Variants in NR1H4 observed in about 807,000 individuals in gnomAD.
NR1H4 encodes the protein nuclear receptor subfamily 1 group H member 4, also known as bile acid receptor.
A neutral mutation model predicts 58.5 loss-of-function variants in NR1H4; 23 were observed. The observed-to-expected ratio is 0.39, with a 90% CI of 0.28 to 0.56. NR1H4 has a LOEUF of 0.56. Ranked by LOEUF, NR1H4 falls within the 20% of genes least tolerant of loss-of-function variation. NR1H4 has a pLI of 0.58. For synonymous variants in NR1H4, 214 were observed against 198.0 expected (o/e 1.08, Z -0.68); for missense variants, 487 against 576.9 (o/e 0.84, Z 1.60).
At chr12:100,514,470 G>A (rs1366562126) in intron 4 of NR1H4, among the ~76,000 whole-genome samples, 1 of 152,146 alleles carries the variant, frequency 6.6e-6, no homozygotes, top group African/African-American at 2.4e-5. Flanking sequence ...ATTTTAGGCT[G>A]AAAAACTCTG....
chr12:100,479,985 C>T (rs973043088), intron 1 of NR1H4, among the ~76,000 whole-genome samples: 1 of 152,250 alleles, frequency 6.6e-6, no homozygotes, highest in Non-Finnish European at 1.5e-5. Context: ...ACACTCTATA[C>T]TTCTCTTTTA....
Position 100,563,280 on chromosome 12 carries a change from G to A in NR1H4, c.1222G>A (p.Val408Ile), listed in dbSNP as rs1955514845. ...ACAATACATAAAGGATAGAGAGGCAGTAGAGAAGCTTCAGGAGCCACTTCT... is the reference window on the plus strand; with the variant it reads ...ACAATACATAAAGGATAGAGAGGCAATAGAGAAGCTTCAGGAGCCACTTCT... ...DRQYIKDREAVEKLQEPLLDV... is the reference protein window; with the variant it reads ...DRQYIKDREAIEKLQEPLLDV... Residue 408 changes from valine (V) to isoleucine (I), a missense_variant, in exon 11 of 11, where the codon GTA becomes ATA. Physicochemically the swap from Val to Ile is conservative, Grantham distance 29. Coordinates refer to ENST00000392986, the MANE Select transcript of NR1H4 (RefSeq NM_001206979.2). 2 of 1,613,712 alleles carry A rather than the reference G, an allele frequency of 1.2e-6. No homozygotes were observed. Among genetic ancestry groups the A allele is most frequent in the Admixed American group, 1.7e-5 (1 of 60,002 alleles).
chr12:100,552,033 A>G (rs1344128388), intron 9 of NR1H4, among the ~76,000 whole-genome samples: 1 of 152,238 alleles, frequency 6.6e-6, no homozygotes, highest in Non-Finnish European at 1.5e-5. Flanking sequence ...TGGTTGGTTG[A>G]ATCCATGGAT....
At chr12:100,537,108 A>G in intron 8 of NR1H4, 61 bp downstream of exon 8, 1 of 998,864 alleles carries the variant, frequency 1.0e-6, no homozygotes, top group Admixed American at 2.0e-5. Flanking sequence ...CCCACAGATT[A>G]GATTACCTAT....
intron 1 of NR1H4, among the ~76,000 whole-genome samples, chr12:100,485,249 A>G (rs1953466519): frequency 6.6e-6 from 1 of 152,146 alleles, no homozygotes; most frequent in South Asian, 2.1e-4. Context: ...GACCATATGG[A>G]CTGTATTGCA....
intron 1 of NR1H4, among the ~76,000 whole-genome samples, chr12:100,481,176 C>T (rs1953371869): frequency 6.6e-6 from 1 of 151,736 alleles, no homozygotes; most frequent in African/African-American, 2.4e-5. Context: ...ATTGTAAGAG[C>T]GTGTGGAAAG....
At chr12:100,485,895 G>A (rs1246398110) in intron 1 of NR1H4, among the ~76,000 whole-genome samples, 1 of 152,080 alleles carries the variant, frequency 6.6e-6, no homozygotes, top group South Asian at 2.1e-4. Context: ...TTGCTGTATA[G>A]TATTCACCTG....
At chr12:100,495,806 T>C (rs1953703299) in intron 3 of NR1H4, among the ~76,000 whole-genome samples, 1 of 152,098 alleles carries the variant, frequency 6.6e-6, no homozygotes, top group East Asian at 1.9e-4. Context: ...TTGATTCCTT[T>C]ATTCCTCTTC....
At chr12:100,490,577 C>G (rs1389633681) in intron 1 of NR1H4, among the ~76,000 whole-genome samples, 1 of 152,030 alleles carries the variant, frequency 6.6e-6, no homozygotes, top group Non-Finnish European at 1.5e-5. Flanking sequence ...AACTCTAGAA[C>G]AATAATTGCC....
intron 1 of NR1H4, among the ~76,000 whole-genome samples, chr12:100,476,564 T>C (rs1309176433): frequency 4.6e-5 from 7 of 152,192 alleles, no homozygotes; most frequent in African/African-American, 1.7e-4. Flanking sequence ...TGAGAATGCA[T>C]ATCATGATGT....
chr12:100,547,952 C>A (rs993258385), intron 9 of NR1H4, among the ~76,000 whole-genome samples: 3 of 150,994 alleles, frequency 2.0e-5, no homozygotes, highest in Non-Finnish European at 3.0e-5. Flanking sequence ...GATCTCCTGA[C>A]CTCATGATTC....
chr12:100,539,251 G>A (rs1954882243), intron 8 of NR1H4, among the ~76,000 whole-genome samples: 1 of 151,918 alleles, frequency 6.6e-6, no homozygotes, highest in Admixed American at 6.6e-5. Context: ...CCCTTGAGAA[G>A]GAAAAAAATT....
chr12:100,516,569 T>G (rs1364989548), intron 4 of NR1H4, among the ~76,000 whole-genome samples: 1 of 152,142 alleles, frequency 6.6e-6, no homozygotes, highest in Non-Finnish European at 1.5e-5. Context: ...GGTTTCACCA[T>G]GTTAGCCAGA....
At chr12:100,536,849 A>G in intron 7 of NR1H4, 99 bp from the exon 8 acceptor site, 1 of 794,784 alleles carries the variant, frequency 1.3e-6, no homozygotes, top group Non-Finnish European at 2.0e-6. Flanking sequence ...TGGGTTTTCA[A>G]ATTTTATCAT....
At chr12:100,505,025 C>T (rs767572030) in intron 3 of NR1H4, among the ~76,000 whole-genome samples, 1 of 151,932 alleles carries the variant, frequency 6.6e-6, no homozygotes, top group African/African-American at 2.4e-5. Context: ...AGGCCTGATG[C>T]CAGGAACAGC....
intron 4 of NR1H4, among the ~76,000 whole-genome samples, chr12:100,526,691 C>G (rs1954565731): frequency 1.3e-5 from 2 of 152,172 alleles, no homozygotes; most frequent in Non-Finnish European, 2.9e-5. Flanking sequence ...GGCCATGGTT[C>G]TTAGTATCTT....
intron 9 of NR1H4, among the ~76,000 whole-genome samples, chr12:100,546,881 T>C (rs770829643): frequency 3.9e-5 from 6 of 152,148 alleles, no homozygotes; most frequent in Non-Finnish European, 8.8e-5. Context: ...TCCTCAACTC[T>C]TTGTCTTTCT....
Position 100,536,935 on chromosome 12 carries a change from T to C in NR1H4, c.832-13T>C, listed in dbSNP as rs562155367. The C allele has an allele frequency of 2.1e-6, 3 of 1,434,556 alleles. No homozygotes were observed. The highest frequency in any genetic ancestry group is 2.8e-5 in the African/African-American group (2 of 70,276). The allele number at this position is 1,434,556 out of a possible 1,614,324, so 88.9% of individuals were successfully genotyped here. On this transcript the variant is annotated splice_polypyrimidine_tract_variant and intron_variant, in intron 7 of 10. Transcript: ENST00000392986. ...TCTACTTTTTAATCATTGGTTTTTTTCTTAAAATTTAGTTAAAAGAAGAAT... is the reference window on the plus strand; with the variant it reads ...TCTACTTTTTAATCATTGGTTTTTTCCTTAAAATTTAGTTAAAAGAAGAAT...
At chr12:100,496,344 A>G (rs748024875) in intron 3 of NR1H4, among the ~76,000 whole-genome samples, 4 of 152,182 alleles carry the variant, frequency 2.6e-5, no homozygotes, top group Non-Finnish European at 5.9e-5. Flanking sequence ...GGGCTGCTCT[A>G]AGTGGTATAG....
Sources: allele counts gnomAD v4.1 joint callset (sites outside exome capture counted in the v4.1 genomes callset), GRCh38; gene constraint gnomAD v4.1.1; transcripts MANE v1.5; gene names NCBI Gene and HGNC (gene_info 2026-07-23, HGNC 2026-07-21).